The following WHRN variants were observed in gnomAD, a reference collection of about 807,000 sequenced individuals.
WHRN encodes whirlin.
In WHRN, 41 loss-of-function variants were observed where a neutral mutation model predicts 68.3. The observed-to-expected ratio is 0.60, with a 90% CI of 0.47 to 0.78. WHRN has a LOEUF of 0.78. Among genes scored for constraint, WHRN ranks in the 30% least tolerant of loss-of-function variants. The pLI is 0.00. For synonymous variants in WHRN, 560 were observed against 561.3 expected (o/e 1.00, Z 0.03); for missense variants, 1,243 against 1,244.7 (o/e 1.00, Z 0.02).
At chr9:114,450,974 C>A (rs1337580737) in intron 3 of WHRN, among the ~76,000 whole-genome samples, 1 of 152,206 alleles carries the variant, frequency 6.6e-6, no homozygotes, top group African/African-American at 2.4e-5. Context: ...CCCTTTTCTG[C>A]CCCATGGCAG....
At chr9:114,408,510 G>T (rs570403953) in intron 7 of WHRN, among the ~76,000 whole-genome samples, 65 of 152,330 alleles carry the variant, frequency 4.3e-4, no homozygotes, top group Non-Finnish European at 8.1e-4. Flanking sequence ...TGCAAAAAAC[G>T]TCTATTTCTT....
At chr9:114,480,445 G>A (rs948581292) in intron 1 of WHRN, among the ~76,000 whole-genome samples, 13 of 151,382 alleles carry the variant, frequency 8.6e-5, no homozygotes, top group Non-Finnish European at 1.5e-4. Flanking sequence ...GGCCATGAGG[G>A]TAGGAACCTC....
At chr9:114,497,259 G>A (rs1044728981) in intron 1 of WHRN, among the ~76,000 whole-genome samples, 5 of 152,100 alleles carry the variant, frequency 3.3e-5, no homozygotes, top group African/African-American at 4.8e-5. Flanking sequence ...AGGAAACTCA[G>A]GTGGAGAGAA....
chr9:114,493,603 A>G (rs1843190926), intron 1 of WHRN, among the ~76,000 whole-genome samples: 1 of 152,196 alleles, frequency 6.6e-6, no homozygotes, highest in East Asian at 1.9e-4. Context: ...TCCACCATTC[A>G]ATGAGATAAT....
chr9:114,465,991 G>A lies in WHRN; in HGVS notation c.963+276C>T, dbSNP rs762864364. On this transcript the variant is annotated intron_variant, in intron 3 of 11. Transcript: ENST00000362057. ...CTCTCCTCTATCCTCTCCACGCATCGTAACAAACCCTGAGGTCAGGGCCAC... is the reference window on the plus strand; with the variant it reads ...CTCTCCTCTATCCTCTCCACGCATCATAACAAACCCTGAGGTCAGGGCCAC... 1.8e-4 allele frequency among the ~76,000 whole-genome samples: 27 copies of A among 152,300 alleles called. No individual in the cohort carries two copies. In the South Asian group the frequency reaches 5.4e-3, roughly 30 times the overall value.
At chr9:114,414,558 G>T (rs1835676707) in intron 7 of WHRN, among the ~76,000 whole-genome samples, 1 of 152,126 alleles carries the variant, frequency 6.6e-6, no homozygotes, top group South Asian at 2.1e-4. Flanking sequence ...GGGCAGCTGG[G>T]GCCAGCCCAT....
chr9:114,493,595 C>T (rs1222691988), intron 1 of WHRN, among the ~76,000 whole-genome samples: 2 of 152,086 alleles, frequency 1.3e-5, no homozygotes, highest in Non-Finnish European at 2.9e-5. Context: ...TCAGAGACTC[C>T]ACCATTCAAT....
At chr9:114,482,646 G>A (rs1589238001) in intron 1 of WHRN, among the ~76,000 whole-genome samples, 1 of 151,730 alleles carries the variant, frequency 6.6e-6, no homozygotes. Context: ...CATGGAGATC[G>A]AAAACCATGC....
intron 3 of WHRN, among the ~76,000 whole-genome samples, chr9:114,452,200 G>A (rs1839398676): frequency 6.6e-6 from 1 of 152,186 alleles, no homozygotes; most frequent in South Asian, 2.1e-4. Context: ...TGTATCTTCT[G>A]CCATTTTCAC....
At chr9:114,466,938 C>T (rs1218572249) in intron 2 of WHRN, among the ~76,000 whole-genome samples, 3 of 149,000 alleles carry the variant, frequency 2.0e-5, no homozygotes. Flanking sequence ...TCTCAGGGGT[C>T]TCCTGTCACC....
chr9:114,481,375 T>C (rs1306611314), intron 1 of WHRN, among the ~76,000 whole-genome samples: 1 of 152,222 alleles, frequency 6.6e-6, no homozygotes, highest in African/African-American at 2.4e-5. Flanking sequence ...GGGTAAGATT[T>C]ACAGTATTCT....
intron 1 of WHRN, among the ~76,000 whole-genome samples, chr9:114,490,540 A>G (rs1359254634): frequency 7.9e-6 from 1 of 125,872 alleles, no homozygotes; most frequent in African/African-American, 3.0e-5. Flanking sequence ...AAAAAGATAT[A>G]AAAACCAACT....
chr9:114,472,814 C>T (rs78719789), intron 2 of WHRN, among the ~76,000 whole-genome samples: 3,957 of 152,290 alleles, frequency 0.026, 85 homozygotes, highest in Non-Finnish European at 0.036. Context: ...TATGTCCAGG[C>T]ACTGTGCTCT....
intron 3 of WHRN, among the ~76,000 whole-genome samples, chr9:114,459,877 GT>G (rs1589185221): frequency 2.0e-5 from 3 of 152,198 alleles, no homozygotes; most frequent in Non-Finnish European, 4.4e-5. Flanking sequence ...TTGGATGTTT[GT>G]CCCCTCCGAA....
In WHRN at chr9:114,406,590, G is replaced by T. The variant is rs371767583; in HGVS notation, c.2001C>A (p.Ala667=). ...ANPSSKRPLD[A]HLALVNQHPI... is the part of the protein sequence containing the mutation. The stretch of plus-strand genomic sequence containing the variant: ...GGTGTTGGTTGACCAGGGCCAGATG[G>T]GCGTCCAGCGGCCTCTTGGAGCTGG... Residue 667 remains alanine (A), a synonymous_variant, in exon 9 of 12, where the codon GCC becomes GCA. Transcript: ENST00000362057. 11 of 1,610,688 alleles carry T rather than the reference G, an allele frequency of 6.8e-6. No homozygotes were observed. Among genetic ancestry groups the T allele is most frequent in the African/African-American group, 1.3e-5 (1 of 74,862 alleles).
intron 3 of WHRN, among the ~76,000 whole-genome samples, chr9:114,463,826 C>G (rs555319987): frequency 7.2e-4 from 110 of 152,316 alleles, no homozygotes; most frequent in Non-Finnish European, 1.2e-3. Flanking sequence ...ATCAACTAGA[C>G]CTGGCCGACA....
intron 7 of WHRN, among the ~76,000 whole-genome samples, chr9:114,419,853 G>A (rs755831635): frequency 1.2e-4 from 19 of 152,160 alleles, no homozygotes; most frequent in Admixed American, 7.9e-4. Flanking sequence ...TTGAATGGAC[G>A]GGATTCTCAC....
chr9:114,504,337 G>C lies in WHRN; in HGVS notation c.465C>G (p.Ser155Arg). The C allele has an allele frequency of 6.2e-7, 1 of 1,610,230 alleles. No homozygotes were observed. The highest frequency in any genetic ancestry group is 8.5e-7 in the Non-Finnish European group (1 of 1,180,014). Residue 155 changes from serine to arginine, a missense_variant, in exon 1 of 12, where the codon AGC (serine) becomes AGG (arginine). Physicochemically the swap from Ser to Arg is moderately radical, Grantham distance 110. Transcript: ENST00000362057. ...RAKAHEGLGFSIRGGSEHGVG... is the reference protein window; with the variant it reads ...RAKAHEGLGFRIRGGSEHGVG... The stretch of plus-strand genomic sequence containing the variant: ...CGCCGTGCTCCGAGCCCCCACGGAT[G>C]CTGAAGCCCAAGCCCTCGTGGGCCT...
Position 114,478,106 on chromosome 9 carries a change from GA to G in WHRN, c.837+446del, listed in dbSNP as rs540358001. Among the ~76,000 whole-genome samples, 661 of 145,136 alleles carry G rather than the reference GA, an allele frequency of 4.6e-3. 4 individuals are homozygous for G. Among genetic ancestry groups the G allele is most frequent in the African/African-American group, 0.013 (521 of 39,670 alleles). ...TCCCTCTATTCTGTTACATGACGGA[GA>G]AAAAAAAAAACTCTCATTTAAATCA... is the stretch of plus-strand genomic sequence containing the variant. On this transcript the variant is annotated intron_variant, in intron 2 of 11. Coordinates refer to ENST00000362057, the MANE Select transcript of WHRN (RefSeq NM_015404.4).
Sources: gnomAD v4.1 joint callset for allele counts (sites outside exome capture counted in the v4.1 genomes callset) on GRCh38, gnomAD v4.1.1 for gene constraint, MANE v1.5 for transcripts, NCBI Gene and HGNC (gene_info 2026-07-23, HGNC 2026-07-21) for gene names.